ROBO1: variants seen among roughly 807,000 people sequenced by gnomAD.
ROBO1 encodes roundabout guidance receptor 1.
In ROBO1, 149 loss-of-function variants were observed where a neutral mutation model predicts 195.9. The observed-to-expected ratio is 0.76, with a 90% CI of 0.67 to 0.87. ROBO1 has a LOEUF of 0.87. ROBO1 is among the 40% of genes least tolerant of loss of function. ROBO1 has a pLI of 0.00. For synonymous variants in ROBO1, 816 were observed against 733.2 expected, an observed-to-expected ratio of 1.11 and a Z score of -1.82; for missense variants, 1,933 against 2,068.3, an observed-to-expected ratio of 0.93 and a Z score of 1.27.
intron 2 of ROBO1, chr3:79,526,347 C>G (rs913749499): frequency 6.6e-6 from 1 of 152,170 alleles, no homozygotes; most frequent in African/African-American, 2.4e-5. Context: ...AAATCTGTCT[C>G]TGTTACTAGT....
chr3:79,061,721 G>C (rs1325546367), intron 3 of ROBO1, among the ~76,000 whole-genome samples: 1 of 152,044 alleles, frequency 6.6e-6, no homozygotes, highest in Admixed American at 6.6e-5. Flanking sequence ...TCTGACCTTT[G>C]ACAAACCTGA....
chr3:78,933,068 T>C (rs927836706), intron 4 of ROBO1, among the ~76,000 whole-genome samples: 2 of 152,146 alleles, frequency 1.3e-5, no homozygotes, highest in Non-Finnish European at 2.9e-5. Context: ...TAAACAGATA[T>C]GTGAGCCTAT....
intron 2 of ROBO1, among the ~76,000 whole-genome samples, chr3:79,331,440 A>T (rs2034434880): frequency 6.6e-6 from 1 of 152,248 alleles, no homozygotes. Flanking sequence ...GTAATATTTA[A>T]AACAAGCCAT....
intron 3 of ROBO1, among the ~76,000 whole-genome samples, chr3:79,037,624 T>C (rs1364189020): frequency 6.6e-6 from 1 of 152,188 alleles, no homozygotes; most frequent in African/African-American, 2.4e-5. Context: ...CTGCTAGATA[T>C]AGTCGGCTCT....
At chr3:79,096,215 C>A (rs961874954) in intron 3 of ROBO1, among the ~76,000 whole-genome samples, 3 of 151,808 alleles carry the variant, frequency 2.0e-5, no homozygotes, top group African/African-American at 4.8e-5. Context: ...TTTGCCACAC[C>A]TTTATTAAGA....
chr3:78,711,785 G>C (rs999529736), intron 8 of ROBO1, among the ~76,000 whole-genome samples: 3 of 150,608 alleles, frequency 2.0e-5, no homozygotes, highest in Admixed American at 6.6e-5. Context: ...CACCACGCCC[G>C]GCCCCCTGTG....
chr3:79,144,699 G>T (rs1436097135), intron 2 of ROBO1, among the ~76,000 whole-genome samples: 3 of 151,846 alleles, frequency 2.0e-5, no homozygotes, highest in South Asian at 2.1e-4. Flanking sequence ...TATATTAAAA[G>T]GAAAAATATA....
At chr3:79,433,325 CAGCTCCATCTAT>C (rs1333178161) in intron 2 of ROBO1, among the ~76,000 whole-genome samples, 1 of 152,170 alleles carries the variant, frequency 6.6e-6, no homozygotes. Context: ...TAATGGCATC[CAGCTCCATCTAT>C]GCATCTATTG....
chr3:78,612,384 A>C (rs978527875), intron 28 of ROBO1, among the ~76,000 whole-genome samples: 1 of 152,118 alleles, frequency 6.6e-6, no homozygotes, highest in East Asian at 1.9e-4. Context: ...CTTTTTTAAT[A>C]AATTGTACCA....
At chr3:79,471,601 A>G (rs1403934548) in intron 2 of ROBO1, among the ~76,000 whole-genome samples, 1 of 152,164 alleles carries the variant, frequency 6.6e-6, no homozygotes, top group East Asian at 1.9e-4. Context: ...ACTCCTATAA[A>G]AAATTATTTT....
intron 2 of ROBO1, among the ~76,000 whole-genome samples, chr3:79,386,362 G>A (rs1327984299): frequency 6.6e-6 from 1 of 152,076 alleles, no homozygotes; most frequent in Non-Finnish European, 1.5e-5. Context: ...AAAATAAAAT[G>A]TATAGATATT....
intron 2 of ROBO1, among the ~76,000 whole-genome samples, chr3:79,557,921 T>C (rs571814742): frequency 2.8e-4 from 43 of 152,020 alleles, no homozygotes; most frequent in African/African-American, 9.6e-4. Context: ...GATAAGACTA[T>C]GGAGCTCATA....
chr3:79,048,251 T>A (rs2078630772), intron 3 of ROBO1, among the ~76,000 whole-genome samples: 1 of 152,136 alleles, frequency 6.6e-6, no homozygotes, highest in Admixed American at 6.6e-5. Flanking sequence ...CACCATGCCA[T>A]CCCCATCCCG....
In ROBO1 at chr3:79,665,443, G is replaced by A. The variant is rs144054136; in HGVS notation, c.-50-75482C>T. ...ATTTTCAGCTATTTCTATGAACAAT[G>A]ATCATTTAGATATATTAGAAAAAAT... is the stretch of plus-strand genomic sequence containing the variant. On this transcript the variant is annotated intron_variant, in intron 1 of 30. Transcript: ENST00000464233. Among the ~76,000 whole-genome samples the A allele has an allele frequency of 1.8e-4, 27 of 151,744 alleles. No individual in the cohort carries two copies. The East Asian group carries it at 5.1e-3, about 28-fold the overall frequency.
Position 79,009,033 on chromosome 3 carries a change from C to T in ROBO1, c.173-70106G>A, listed in dbSNP as rs556515565. Among the ~76,000 whole-genome samples the T allele has an allele frequency of 7.3e-5, 11 of 151,396 alleles. No individual in the cohort carries two copies. The South Asian group carries it at 1.0e-3, about 14-fold the overall frequency. Reference sequence around the variant, plus strand: ...TCGGCTCACTGCAACTTCTGCCTCCCGGGTTCCAGCAACTCTCCTGCCTCG... The same window carrying T: ...TCGGCTCACTGCAACTTCTGCCTCCTGGGTTCCAGCAACTCTCCTGCCTCG... On this transcript the variant is annotated intron_variant, in intron 3 of 30. Transcript: ENST00000464233.
chr3:78,631,313 G>A lies in ROBO1; in HGVS notation c.3482-8C>T, dbSNP rs1287275157. The A allele has an allele frequency of 6.2e-7, 1 of 1,611,644 alleles. No homozygotes were observed. The highest frequency in any genetic ancestry group is 1.3e-5 in the African/African-American group (1 of 74,946). On this transcript the variant is annotated splice_polypyrimidine_tract_variant and splice_region_variant and intron_variant, in intron 24 of 30. Coordinates refer to ENST00000464233, the MANE Select transcript of ROBO1 (RefSeq NM_002941.4). ...TCTTGTGCCCCTGACTCCCTAGAAA[G>A]GAAATAAAATAGAAGCCATTGATCT...
chr3:79,704,152 C>A (rs1372398986), intron 1 of ROBO1, among the ~76,000 whole-genome samples: 1 of 151,868 alleles, frequency 6.6e-6, no homozygotes, highest in African/African-American at 2.4e-5. Context: ...GGCATAGCCT[C>A]CCGGATGATC....
At chr3:78,923,287 T>G (rs1436749700) in intron 4 of ROBO1, among the ~76,000 whole-genome samples, 1 of 152,148 alleles carries the variant, frequency 6.6e-6, no homozygotes, top group Admixed American at 6.5e-5. Flanking sequence ...AAGGTCCTTA[T>G]CCTCATGGAA....
chr3:79,344,717 A>G (rs1423517581), intron 2 of ROBO1, among the ~76,000 whole-genome samples: 1 of 152,080 alleles, frequency 6.6e-6, no homozygotes, highest in East Asian at 1.9e-4. Flanking sequence ...GCATATATAT[A>G]TATGGAGAGA....
Sources: allele counts gnomAD v4.1 joint callset (sites outside exome capture counted in the v4.1 genomes callset), GRCh38; gene constraint gnomAD v4.1.1; transcripts MANE v1.5; gene names NCBI Gene and HGNC (gene_info 2026-07-23, HGNC 2026-07-21).